The following INPP4B variants were observed in gnomAD, a reference collection of about 807,000 sequenced individuals.
INPP4B encodes the protein inositol polyphosphate 4-phosphatase type II.
INPP4B carries 55 observed loss-of-function variants against 122.5 expected under a neutral mutation model. That is an observed-to-expected ratio of 0.45 (90% confidence interval 0.36 to 0.56). The LOEUF (loss-of-function observed/expected upper bound fraction) is 0.56. INPP4B is among the 20% of genes least tolerant of loss of function. The pLI is 0.00. For synonymous variants in INPP4B, 403 were observed against 388.7 expected (o/e 1.04, Z -0.43); for missense variants, 1,000 against 1,097.7 (o/e 0.91, Z 1.26).
chr4:142,744,325 C>A (rs1022965571), intron 1 of INPP4B, among the ~76,000 whole-genome samples: 1 of 151,478 alleles, frequency 6.6e-6, no homozygotes, highest in African/African-American at 2.4e-5. Context: ...CAATATCCAA[C>A]AACTACCATA....
At chr4:142,238,642 T>C (rs953931074) in intron 11 of INPP4B, among the ~76,000 whole-genome samples, 2 of 152,110 alleles carry the variant, frequency 1.3e-5, no homozygotes, top group Non-Finnish European at 2.9e-5. Flanking sequence ...AACACACTTT[T>C]CTGAAACCAT....
intron 14 of INPP4B, among the ~76,000 whole-genome samples, chr4:142,198,516 C>A (rs1008835711): frequency 2.2e-4 from 33 of 151,364 alleles, no homozygotes; most frequent in Non-Finnish European, 1.9e-4. Context: ...TTCTCCCATG[C>A]TTTTTCCCTA....
chr4:142,215,892 C>CAAAAAAAAAAAAAAAAAAA (rs200657873), intron 12 of INPP4B, among the ~76,000 whole-genome samples: 1 of 54,578 alleles, frequency 1.8e-5, no homozygotes, highest in African/African-American at 7.5e-5. Context: ...GACTCTGTCT[C>CAAAAAAAAAAAAAAAAAAA]AAAAAAAAAA....
intron 18 of INPP4B, among the ~76,000 whole-genome samples, chr4:142,138,141 G>A (rs1294535946): frequency 6.6e-6 from 1 of 151,324 alleles, no homozygotes; most frequent in East Asian, 1.9e-4. Context: ...CAACCCAAAT[G>A]TCCAACAATG....
At chr4:142,363,188 G>A (rs1458603071) in intron 7 of INPP4B, among the ~76,000 whole-genome samples, 2 of 151,826 alleles carry the variant, frequency 1.3e-5, no homozygotes, top group East Asian at 1.9e-4. Context: ...AAACACATAC[G>A]CACATATGTG....
At chr4:142,682,979 A>T (rs974910846) in intron 2 of INPP4B, among the ~76,000 whole-genome samples, 2 of 151,904 alleles carry the variant, frequency 1.3e-5, no homozygotes, top group African/African-American at 4.8e-5. Flanking sequence ...TGCTGAATGG[A>T]CAGTCTCAAA....
intron 2 of INPP4B, among the ~76,000 whole-genome samples, chr4:142,601,639 A>T (rs1421786572): frequency 6.6e-6 from 1 of 151,554 alleles, no homozygotes; most frequent in Non-Finnish European, 1.5e-5. Context: ...GATGCACCTC[A>T]AGGAATTAGA....
intron 7 of INPP4B, among the ~76,000 whole-genome samples, chr4:142,378,359 A>G (rs534458497): frequency 6.6e-6 from 1 of 152,280 alleles, no homozygotes; most frequent in South Asian, 2.1e-4. Flanking sequence ...TTCCCATAAC[A>G]GTGTTTAAAA....
chr4:142,132,369 G>A (rs546105750), intron 18 of INPP4B, among the ~76,000 whole-genome samples: 1 of 152,054 alleles, frequency 6.6e-6, no homozygotes, highest in East Asian at 1.9e-4. Context: ...GCTGTGCACA[G>A]GTCACTACAA....
intron 2 of INPP4B, among the ~76,000 whole-genome samples, chr4:142,628,232 T>G (rs1382921698): frequency 6.7e-6 from 1 of 148,328 alleles, no homozygotes; most frequent in African/African-American, 2.5e-5. Context: ...TATGCAGCCA[T>G]AAAAAATGAT....
At chr4:142,133,912 T>C (rs1802609291) in intron 18 of INPP4B, among the ~76,000 whole-genome samples, 1 of 152,208 alleles carries the variant, frequency 6.6e-6, no homozygotes, top group Non-Finnish European at 1.5e-5. Flanking sequence ...TAAACTGCAA[T>C]CTCTACCCTA....
intron 23 of INPP4B, among the ~76,000 whole-genome samples, chr4:142,097,465 C>A (rs1234212868): frequency 2.6e-5 from 4 of 151,856 alleles, no homozygotes; most frequent in Non-Finnish European, 5.9e-5. Flanking sequence ...CCATGTTGAC[C>A]AGGCTGGTCT....
At chr4:142,073,440 A>T (rs1768712985) in intron 25 of INPP4B, among the ~76,000 whole-genome samples, 1 of 152,126 alleles carries the variant, frequency 6.6e-6, no homozygotes, top group African/African-American at 2.4e-5. Context: ...TGGCCTGTGA[A>T]GCCATCCAAT....
At chr4:142,832,575 G>T (rs999758891) in intron 1 of INPP4B, among the ~76,000 whole-genome samples, 1 of 152,088 alleles carries the variant, frequency 6.6e-6, no homozygotes, top group African/African-American at 2.4e-5. Context: ...ACCTGGCCCC[G>T]GCCAACGCAG....
chr4:142,502,127 A>G (rs1482589225), intron 2 of INPP4B, among the ~76,000 whole-genome samples: 1 of 152,166 alleles, frequency 6.6e-6, no homozygotes, highest in African/African-American at 2.4e-5. Flanking sequence ...ATCTTAATAT[A>G]TGTCCCCGAG....
At chr4:142,405,117 G>GT in intron 6 of INPP4B, 89 bp downstream of exon 6, 1 of 696,020 alleles carries the variant, frequency 1.4e-6, no homozygotes, top group Non-Finnish European at 2.5e-6. Context: ...TGGGGCGGGG[G>GT]TGGGGGGGAG....
chr4:142,777,327 C>T (rs1774077608), intron 1 of INPP4B, among the ~76,000 whole-genome samples: 1 of 152,126 alleles, frequency 6.6e-6, no homozygotes, highest in South Asian at 2.1e-4. Context: ...CAGAGAATCT[C>T]CTGCTGGCCT....
chr4:142,195,107 T>C (rs1176025729), intron 14 of INPP4B, among the ~76,000 whole-genome samples: 1 of 152,192 alleles, frequency 6.6e-6, no homozygotes, highest in Non-Finnish European at 1.5e-5. Flanking sequence ...AAAAATATTA[T>C]TCAGCCTTTA....
intron 2 of INPP4B, among the ~76,000 whole-genome samples, chr4:142,712,365 A>G (rs190695041): frequency 6.6e-6 from 1 of 152,306 alleles, no homozygotes; most frequent in East Asian, 1.9e-4. Flanking sequence ...TCTGAATCCT[A>G]CCCTTAACTG....
Sources: allele counts gnomAD v4.1 joint callset (sites outside exome capture counted in the v4.1 genomes callset), GRCh38; gene constraint gnomAD v4.1.1; transcripts MANE v1.5; gene names NCBI Gene and HGNC (gene_info 2026-07-23, HGNC 2026-07-21).